Variants in ZNF385D observed in about 807,000 individuals in gnomAD.
The protein encoded by ZNF385D is zinc finger protein 385D, also known as zinc finger protein 659.
ZNF385D carries 15 observed loss-of-function variants against 35.8 expected under a neutral mutation model. The ratio of observed to expected loss-of-function variants is 0.42; its 90% CI spans 0.28 to 0.64. The LOEUF is 0.64. Among genes scored for constraint, ZNF385D ranks in the 30% least tolerant of loss-of-function variants. The pLI, the probability that ZNF385D is intolerant of heterozygous loss-of-function variation, is 0.23. For missense variants in ZNF385D, 474 were observed against 494.6 expected (o/e 0.96, Z 0.39); for synonymous variants, 212 against 186.8 (o/e 1.13, Z -1.10).
intron 3 of ZNF385D, among the ~76,000 whole-genome samples, chr3:22,132,731 A>C (rs1703874860): frequency 6.6e-6 from 1 of 152,118 alleles, no homozygotes; most frequent in Non-Finnish European, 1.5e-5. Flanking sequence ...AGAGATAGTA[A>C]TATTATAAAT....
intron 1 of ZNF385D, among the ~76,000 whole-genome samples, chr3:21,700,384 A>G (rs1379496953): frequency 1.3e-5 from 2 of 152,226 alleles, no homozygotes; most frequent in African/African-American, 4.8e-5. Flanking sequence ...GACACCTAGT[A>G]AAGGAGTAAA....
chr3:21,579,950 C>G (rs1053679072), intron 2 of ZNF385D: 17 of 152,098 alleles, frequency 1.1e-4, no homozygotes, highest in African/African-American at 3.9e-4. Flanking sequence ...TGTAAAGGCT[C>G]TGTTACCAAC....
At chr3:22,027,138 C>A (rs1231035942) in intron 3 of ZNF385D, among the ~76,000 whole-genome samples, 1 of 152,190 alleles carries the variant, frequency 6.6e-6, no homozygotes. Flanking sequence ...TGTATTAGCT[C>A]AGATACTCCT....
At position 22,330,570 on chromosome 3, in the gene ZNF385D, T is replaced by G. The variant is rs1694887819; in HGVS notation, c.106+41880A>C. Among the ~76,000 whole-genome samples the G allele has an allele frequency of 2.0e-5, 3 of 152,312 alleles. No individual in the cohort carries two copies. In the South Asian group the frequency reaches 6.2e-4, roughly 32 times the overall value. On this transcript the variant is annotated intron_variant, in intron 2 of 5. Coordinates refer to the ZNF385D transcript ENST00000494108. ...ATAATGATATTTCAGGGCCCCCGTC[T>G]GCTGTGATATGACAGATCACCTAAC...
chr3:21,837,418 T>G (rs1387367774), intron 3 of ZNF385D, among the ~76,000 whole-genome samples: 2 of 152,056 alleles, frequency 1.3e-5, no homozygotes, highest in Non-Finnish European at 2.9e-5. Flanking sequence ...GATGGTTCAG[T>G]TGGGATGGCT....
chr3:21,764,874 G>A (rs147579482), intron 3 of ZNF385D, among the ~76,000 whole-genome samples: 3 of 152,148 alleles, frequency 2.0e-5, no homozygotes, highest in Non-Finnish European at 4.4e-5. Flanking sequence ...TGGCTCCCAA[G>A]CTTATTTTTT....
chr3:21,992,872 G>C (rs375837306), intron 3 of ZNF385D, among the ~76,000 whole-genome samples: 8 of 152,262 alleles, frequency 5.3e-5, no homozygotes, highest in East Asian at 3.9e-4. Flanking sequence ...AGTATGCATA[G>C]CTGATGAGTT....
At chr3:21,525,930 G>A (rs1309987556) in intron 3 of ZNF385D, among the ~76,000 whole-genome samples, 1 of 151,992 alleles carries the variant, frequency 6.6e-6, no homozygotes, top group Non-Finnish European at 1.5e-5. Context: ...AAACCAGCAA[G>A]TGATTTTTTT....
chr3:22,306,461 T>C (rs1364876636), intron 2 of ZNF385D, among the ~76,000 whole-genome samples: 1 of 152,106 alleles, frequency 6.6e-6, no homozygotes, highest in Non-Finnish European at 1.5e-5. Context: ...TCTCTTCTGT[T>C]TTAGCTGTCC....
intron 2 of ZNF385D, among the ~76,000 whole-genome samples, chr3:22,219,093 A>G (rs1043192425): frequency 7.2e-5 from 11 of 152,280 alleles, no homozygotes; most frequent in African/African-American, 2.4e-4. Flanking sequence ...GTTAAACTCT[A>G]TGGTGACGAT....
chr3:22,175,457 A>AG (rs149972908), intron 2 of ZNF385D, among the ~76,000 whole-genome samples: 3,137 of 149,550 alleles, frequency 0.021, 72 homozygotes, highest in South Asian at 0.12. Flanking sequence ...AGAAAAAATG[A>AG]GAAAAAAAAA....
chr3:22,198,557 G>T (rs1230410855), intron 2 of ZNF385D, among the ~76,000 whole-genome samples: 1 of 152,016 alleles, frequency 6.6e-6, no homozygotes, highest in Non-Finnish European at 1.5e-5. Flanking sequence ...TGTAAAGCAA[G>T]AACATTTTGA....
At chr3:21,499,659 C>A (rs1184580343) in intron 4 of ZNF385D, among the ~76,000 whole-genome samples, 22 of 146,810 alleles carry the variant, frequency 1.5e-4, no homozygotes, top group South Asian at 2.2e-4. Context: ...AAAAAAAAAC[C>A]AAAAAACGAA....
At chr3:21,965,160 T>C (rs1385707207) in intron 3 of ZNF385D, among the ~76,000 whole-genome samples, 1 of 152,184 alleles carries the variant, frequency 6.6e-6, no homozygotes, top group Non-Finnish European at 1.5e-5. Context: ...AATTGCAAAT[T>C]AATATCTTAT....
chr3:22,331,746 A>C (rs912745199), intron 2 of ZNF385D, among the ~76,000 whole-genome samples: 3 of 152,270 alleles, frequency 2.0e-5, no homozygotes, highest in East Asian at 1.9e-4. Context: ...TTTCTTGAGA[A>C]GCTCTATTGA....
At chr3:22,074,753 T>C (rs1700385594) in intron 3 of ZNF385D, among the ~76,000 whole-genome samples, 1 of 151,944 alleles carries the variant, frequency 6.6e-6, no homozygotes, top group Non-Finnish European at 1.5e-5. Context: ...CACTGTTCAA[T>C]CTTACTTGTT....
chr3:21,853,492 T>C (rs560531887), intron 3 of ZNF385D, among the ~76,000 whole-genome samples: 16 of 142,870 alleles, frequency 1.1e-4, no homozygotes, highest in Non-Finnish European at 2.4e-4. Context: ...AGTTTAATTG[T>C]TTAAAATTGC....
chr3:21,828,680 A>G (rs1694807023), intron 3 of ZNF385D, among the ~76,000 whole-genome samples: 1 of 152,240 alleles, frequency 6.6e-6, no homozygotes, highest in Non-Finnish European at 1.5e-5. Flanking sequence ...CTACCCCAAC[A>G]AATTACTACA....
chr3:21,642,015 A>T (rs1358654182), intron 2 of ZNF385D, among the ~76,000 whole-genome samples: 1 of 152,126 alleles, frequency 6.6e-6, no homozygotes, highest in Non-Finnish European at 1.5e-5. Context: ...CCACGTGTAC[A>T]GTAAAGAAAC....
Sources: gnomAD v4.1 joint callset for allele counts (sites outside exome capture counted in the v4.1 genomes callset) on GRCh38, gnomAD v4.1.1 for gene constraint, MANE v1.5 for transcripts, NCBI Gene and HGNC (gene_info 2026-07-23, HGNC 2026-07-21) for gene names.